Variants in CSMD1 observed in about 807,000 individuals in gnomAD.
CSMD1 encodes the protein CUB and sushi domain-containing protein 1.
A neutral mutation model predicts 417.5 loss-of-function variants in CSMD1; 213 were observed. That is an observed-to-expected ratio of 0.51 (90% CI 0.46 to 0.57). The LOEUF (loss-of-function observed/expected upper bound fraction) is 0.57. Ranked by LOEUF, CSMD1 falls within the 20% of genes least tolerant of loss-of-function variation. The pLI is 0.00. For missense variants in CSMD1, 6,923 were observed against 4,529.7 expected (o/e 1.53, Z -15.17); for synonymous variants, 2,862 against 1,736.8 (o/e 1.65, Z -16.11).
Position 2,954,275 on chromosome 8 carries a change from G to T in CSMD1, c.9995-7C>A. On this transcript the variant is annotated splice_region_variant and splice_polypyrimidine_tract_variant and intron_variant, in intron 64 of 69. Transcript: ENST00000635120. ...ACTTCTCTCACTCCTTTACCTACAAGTAAAAAGACAAATTATCATTTTAAA... is the reference window on the plus strand; with the variant it reads ...ACTTCTCTCACTCCTTTACCTACAATTAAAAAGACAAATTATCATTTTAAA... The T allele has an allele frequency of 7.0e-7, 1 of 1,427,300 alleles. No homozygotes were observed. The highest frequency in any genetic ancestry group is 9.5e-7 in the Non-Finnish European group (1 of 1,052,896). 88.4% of individuals were successfully genotyped at this position (1,427,300 alleles called of 1,614,324 possible). A position where few individuals can be genotyped will look rare whatever the true frequency, so the allele number is the denominator to read the frequency against.
chr8:3,585,112 C>G (rs988598368), intron 9 of CSMD1, among the ~76,000 whole-genome samples: 1 of 152,108 alleles, frequency 6.6e-6, no homozygotes, highest in Non-Finnish European at 1.5e-5. Context: ...GCTGTATCCC[C>G]TGCATGTGAC....
intron 1 of CSMD1, among the ~76,000 whole-genome samples, chr8:4,798,213 C>G (rs1798085871): frequency 6.6e-6 from 1 of 152,210 alleles, no homozygotes; most frequent in African/African-American, 2.4e-5. Flanking sequence ...CTTCTTGTGT[C>G]CAAGTGTTCT....
At chr8:2,987,735 G>C (rs888503540) in intron 54 of CSMD1, among the ~76,000 whole-genome samples, 1 of 152,192 alleles carries the variant, frequency 6.6e-6, no homozygotes, top group African/African-American at 2.4e-5. Context: ...CTCTGTGCCA[G>C]GGGACACACC....
At chr8:4,290,609 T>G (rs1377504698) in intron 3 of CSMD1, among the ~76,000 whole-genome samples, 1 of 152,212 alleles carries the variant, frequency 6.6e-6, no homozygotes, top group Non-Finnish European at 1.5e-5. Context: ...CAAGGACAGG[T>G]AGATGCTGTA....
chr8:4,986,683 G>C (rs1262717269), intron 1 of CSMD1, among the ~76,000 whole-genome samples: 1 of 151,974 alleles, frequency 6.6e-6, no homozygotes. Context: ...AAACATTATG[G>C]ACAAGGAGCT....
At chr8:3,175,964 T>A (rs1260762436) in intron 37 of CSMD1, among the ~76,000 whole-genome samples, 1 of 152,170 alleles carries the variant, frequency 6.6e-6, no homozygotes, top group Non-Finnish European at 1.5e-5. Context: ...GAAGCTAGGA[T>A]AACTGCAACA....
intron 27 of CSMD1, among the ~76,000 whole-genome samples, chr8:3,224,320 T>C (rs1480282535): frequency 6.6e-6 from 1 of 152,254 alleles, no homozygotes; most frequent in East Asian, 1.9e-4. Context: ...GCCTATTTCT[T>C]CTTGAGTGCA....
At chr8:3,749,586 C>T (rs1797226003) in intron 6 of CSMD1, among the ~76,000 whole-genome samples, 1 of 152,124 alleles carries the variant, frequency 6.6e-6, no homozygotes, top group Admixed American at 6.5e-5. Context: ...CCAAGAAAAG[C>T]ACCAAGTTAA....
Position 4,776,111 on chromosome 8 carries a change from G to T in CSMD1, c.86-138553C>A, listed in dbSNP as rs564682186. ...GAAGAAGCAGGCACCGGCCCAGATT[G>T]CCAGGACAATCACAGATGATCCAGA... is the stretch of plus-strand genomic sequence containing the variant. On this transcript the variant is annotated intron_variant, in intron 1 of 69. Coordinates refer to ENST00000635120, the MANE Select transcript of CSMD1 (RefSeq NM_033225.6). 6.6e-5 allele frequency among the ~76,000 whole-genome samples: 10 copies of T among 152,194 alleles called. No individual in the cohort carries two copies. The South Asian group carries it at 2.1e-3, about 32-fold the overall frequency.
At position 3,094,702 on chromosome 8, in the gene CSMD1, C is replaced by T. The variant is rs1349527783; in HGVS notation, c.7138+2147G>A. Among the ~76,000 whole-genome samples, 22 of 150,658 alleles carry T rather than the reference C, an allele frequency of 1.5e-4. No individual in the cohort carries two copies. In the Admixed American group the frequency reaches 1.5e-3, roughly 10 times the overall value. On this transcript the variant is annotated intron_variant, in intron 47 of 69. Transcript: ENST00000635120. ...CATTATGGGATATCCACTACTTAAG[C>T]CATAGAGAGTAATATACTCTTGAGA...
intron 3 of CSMD1, among the ~76,000 whole-genome samples, chr8:4,097,550 G>A (rs1354807287): frequency 1.3e-5 from 2 of 152,200 alleles, no homozygotes; most frequent in African/African-American, 4.8e-5. Flanking sequence ...AAGACAGAAA[G>A]TCAGAGGACT....
At chr8:3,381,966 G>T (rs755544471) in intron 18 of CSMD1, among the ~76,000 whole-genome samples, 2 of 152,014 alleles carry the variant, frequency 1.3e-5, no homozygotes, top group African/African-American at 2.4e-5. Flanking sequence ...CCTTTAAAAA[G>T]AATGTATCAG....
intron 1 of CSMD1, among the ~76,000 whole-genome samples, chr8:4,649,726 G>T (rs1223529194): frequency 6.6e-6 from 1 of 152,190 alleles, no homozygotes; most frequent in African/African-American, 2.4e-5. Context: ...TGAGCCGAAG[G>T]CTAAATTCTG....
intron 3 of CSMD1, among the ~76,000 whole-genome samples, chr8:4,196,507 G>A (rs568473440): frequency 2.6e-5 from 4 of 152,190 alleles, no homozygotes; most frequent in African/African-American, 7.2e-5. Context: ...TTACATTTAT[G>A]GGGCCCACAT....
chr8:3,828,850 T>C (rs1000766611), intron 5 of CSMD1, among the ~76,000 whole-genome samples: 1 of 152,016 alleles, frequency 6.6e-6, no homozygotes, highest in Non-Finnish European at 1.5e-5. Flanking sequence ...CCACGAGATT[T>C]TGTCTTATCT....
chr8:3,682,835 A>G (rs1262770742), intron 7 of CSMD1, among the ~76,000 whole-genome samples: 6 of 152,246 alleles, frequency 3.9e-5, no homozygotes, highest in Admixed American at 6.5e-5. Context: ...AATGTGGCAC[A>G]TATACACCAT....
chr8:3,933,760 G>C (rs546822203), intron 5 of CSMD1, among the ~76,000 whole-genome samples: 2 of 152,112 alleles, frequency 1.3e-5, no homozygotes, highest in Non-Finnish European at 2.9e-5. Flanking sequence ...GATTTATTTA[G>C]GTTTTATATA....
Position 3,315,730 on chromosome 8 carries a change from A to G in CSMD1, c.3632-7227T>C, listed in dbSNP as rs1169423168. 2.6e-5 allele frequency among the ~76,000 whole-genome samples: 4 copies of G among 152,202 alleles called. No homozygotes were observed. In the East Asian group the frequency reaches 7.7e-4, roughly 29 times the overall value. On this transcript the variant is annotated intron_variant, in intron 23 of 69. Transcript: ENST00000635120. ...CTGAACTTAAGGTAAAACATCAAAA[A>G]GCCTGTAAATGTCCAGAATGAAAAT...
intron 36 of CSMD1, among the ~76,000 whole-genome samples, chr8:3,182,618 G>GAAGGAC (rs1228673245): frequency 2.7e-4 from 20 of 73,928 alleles, no homozygotes; most frequent in Non-Finnish European, 6.4e-4. Flanking sequence ...GTGTGTGTGT[G>GAAGGAC]TGTGTGTGTG....
Sources: allele counts gnomAD v4.1 joint callset (sites outside exome capture counted in the v4.1 genomes callset), GRCh38; gene constraint gnomAD v4.1.1; transcripts MANE v1.5; gene names NCBI Gene and HGNC (gene_info 2026-07-23, HGNC 2026-07-21).